ABCG2: variants seen among roughly 807,000 people sequenced by gnomAD.
The protein encoded by ABCG2 is broad substrate specificity ATP-binding cassette transporter ABCG2.
A neutral mutation model predicts 73.5 loss-of-function variants in ABCG2; 80 were observed. The ratio of observed to expected loss-of-function variants is 1.09; its 90% CI spans 0.91 to 1.31. The LOEUF (loss-of-function observed/expected upper bound fraction) is 1.31. Ranked by LOEUF, ABCG2 falls within the 50% of genes most tolerant of loss-of-function variation. The probability of loss-of-function intolerance (pLI) is 0.00; values close to 1 mark genes in which losing one functional copy is unlikely to be tolerated. For synonymous variants in ABCG2, 269 were observed against 282.4 expected (o/e 0.95, Z 0.48); for missense variants, 796 against 786.2 (o/e 1.01, Z -0.15).
At chr4:88,189,796 G>T (rs906424120) in intron 1 of ABCG2, among the ~76,000 whole-genome samples, 7 of 152,188 alleles carry the variant, frequency 4.6e-5, no homozygotes, top group African/African-American at 1.7e-4. Context: ...GGCAAAATCA[G>T]GCACTTGTTA....
intron 1 of ABCG2, among the ~76,000 whole-genome samples, chr4:88,154,862 T>C (rs967416042): frequency 6.6e-6 from 1 of 152,042 alleles, no homozygotes; most frequent in Non-Finnish European, 1.5e-5. Flanking sequence ...GAGTTGAGCA[T>C]AGTTTGTGAT....
At chr4:88,190,374 G>A (rs544495079) in intron 1 of ABCG2, among the ~76,000 whole-genome samples, 5 of 152,220 alleles carry the variant, frequency 3.3e-5, no homozygotes, top group South Asian at 2.1e-4. Flanking sequence ...AATCCAAGCC[G>A]TGGGCCTTCA....
rs2110007069 is a variant in ABCG2 at position 88,113,448 on chromosome 4, T to C, written c.1049A>G (p.His350Arg). The C allele has an allele frequency of 6.2e-7, 1 of 1,614,168 alleles. No homozygotes were observed. The highest frequency in any genetic ancestry group is 8.5e-7 in the Non-Finnish European group (1 of 1,180,034). ...SFYKETKAEL[H>R]QLSGGEKKKK... ...CTTCTTCTCACCCCCGGAAAGTTGA[T>C]GTAATTCAGCTTTTGTCTCTTTGTA... Residue 350 changes from histidine (H) to arginine (R), a missense_variant, in exon 9 of 16, where the codon CAT becomes CGT. Transcript: ENST00000237612.
At chr4:88,165,692 A>G (rs1259092471) in intron 1 of ABCG2, among the ~76,000 whole-genome samples, 1 of 152,156 alleles carries the variant, frequency 6.6e-6, no homozygotes, top group Non-Finnish European at 1.5e-5. Context: ...TGGCCAACAT[A>G]GTGAAACACT....
intron 2 of ABCG2, among the ~76,000 whole-genome samples, chr4:88,134,329 C>T (rs2110045983): frequency 6.6e-6 from 1 of 152,244 alleles, no homozygotes; most frequent in East Asian, 1.9e-4. Context: ...CTGGTGGGTA[C>T]AAGAGTGAAA....
At position 88,101,231 on chromosome 4, in the gene ABCG2, T is replaced by G. The variant is rs762530602; in HGVS notation, c.1366A>C (p.Ile456Leu). ...ELFVVEKKLF[I>L]HEYISGYYRV... ...TTCCCAGAACAAAGACCTACTCACA[T>G]GAAGAGCTTCTTCTCTACCACAAAG... is the stretch of plus-strand genomic sequence containing the variant. Residue 456 changes from isoleucine to leucine, a missense_variant and splice_region_variant, in exon 11 of 16, where the codon ATA becomes CTA. Coordinates refer to ENST00000237612, the MANE Select transcript of ABCG2 (RefSeq NM_004827.3). The G allele has an allele frequency of 6.2e-7, 1 of 1,613,840 alleles. No individual in the cohort carries two copies. Among genetic ancestry groups the G allele is most frequent in the African/African-American group, 1.3e-5 (1 of 74,870 alleles).
chr4:88,141,740 A>G (rs1019322190), intron 1 of ABCG2, among the ~76,000 whole-genome samples: 4 of 152,208 alleles, frequency 2.6e-5, no homozygotes, highest in African/African-American at 9.6e-5. Flanking sequence ...AAGTTTAAAA[A>G]TAATGAAAAA....
At chr4:88,163,764 G>A (rs1727406880), upstream of ABCG2, 6 of 406,046 alleles carry the variant, frequency 1.5e-5, no homozygotes, top group Non-Finnish European at 3.0e-5. Context: ...CTCCAGATGT[G>A]TGTGTTAATA....
At chr4:88,110,107 A>C (rs190658720) in intron 9 of ABCG2, among the ~76,000 whole-genome samples, 3 of 152,244 alleles carry the variant, frequency 2.0e-5, no homozygotes, top group African/African-American at 7.2e-5. Flanking sequence ...GCACCACCAC[A>C]CTTAGCTCAT....
intron 10 of ABCG2, among the ~76,000 whole-genome samples, chr4:88,104,800 A>G (rs1722667589): frequency 6.6e-6 from 1 of 152,216 alleles, no homozygotes; most frequent in African/African-American, 2.4e-5. Context: ...AAACAAACAA[A>G]TTAAAATAAG....
chr4:88,214,751 A>G (rs1729742954), intron 1 of ABCG2, among the ~76,000 whole-genome samples: 1 of 152,020 alleles, frequency 6.6e-6, no homozygotes, highest in South Asian at 2.1e-4. Flanking sequence ...GCTGGACCAG[A>G]GGTACATGCC....
At chr4:88,120,499 C>G (rs1307437370) in intron 6 of ABCG2, among the ~76,000 whole-genome samples, 1 of 152,186 alleles carries the variant, frequency 6.6e-6, no homozygotes, top group Non-Finnish European at 1.5e-5. Flanking sequence ...TCCCAAGGCC[C>G]TGGGAGCCCA....
At chr4:88,109,548 A>AGTGCACAGACCCCATCT (rs1375079009) in intron 9 of ABCG2, among the ~76,000 whole-genome samples, 1 of 152,234 alleles carries the variant, frequency 6.6e-6, no homozygotes, top group East Asian at 1.9e-4. Flanking sequence ...CAAACTAAAC[A>AGTGCACAGACCCCATCT]GTGCACAATG....
chr4:88,144,024 T>C (rs1192925806), intron 1 of ABCG2, among the ~76,000 whole-genome samples: 1 of 152,204 alleles, frequency 6.6e-6, no homozygotes. Flanking sequence ...AGAAGCTTTC[T>C]GGACATGTGT....
intron 10 of ABCG2, among the ~76,000 whole-genome samples, chr4:88,102,387 G>A (rs1465359150): frequency 6.6e-6 from 1 of 152,116 alleles, no homozygotes; most frequent in Admixed American, 6.5e-5. Flanking sequence ...CATGAGGTCA[G>A]GAGTTCAAGA....
At chr4:88,198,328 A>G (rs1729020862) in intron 1 of ABCG2, among the ~76,000 whole-genome samples, 2 of 151,554 alleles carry the variant, frequency 1.3e-5, no homozygotes, top group South Asian at 2.1e-4. Flanking sequence ...GCAAGACTCC[A>G]TCTCCAAAAA....
At chr4:88,167,526 C>T (rs1473638836) in intron 1 of ABCG2, among the ~76,000 whole-genome samples, 1 of 152,026 alleles carries the variant, frequency 6.6e-6, no homozygotes, top group African/African-American at 2.4e-5. Context: ...GCATGCGTCA[C>T]CATGCCCAGC....
intron 7 of ABCG2, among the ~76,000 whole-genome samples, 176 bp from the exon 8 acceptor site, chr4:88,115,234 C>CTCTCTCTCTCTCTGTCTCTCTCTCTG (rs1553933351): frequency 2.2e-5 from 1 of 45,858 alleles, no homozygotes; most frequent in African/African-American, 5.8e-5. Context: ...TATATTCAGT[C>CTCTCTCTCTCTCTGTCTCTCTCTCTG]TCTCTCTCTC....
At chr4:88,156,419 G>A (rs1261768677) in intron 1 of ABCG2, among the ~76,000 whole-genome samples, 2 of 148,792 alleles carry the variant, frequency 1.3e-5, no homozygotes, top group Non-Finnish European at 3.0e-5. Context: ...GCAAGTGTAT[G>A]TCAAAGTGGC....
Sources: gnomAD v4.1 joint callset for allele counts (sites outside exome capture counted in the v4.1 genomes callset) on GRCh38, gnomAD v4.1.1 for gene constraint, MANE v1.5 for transcripts, NCBI Gene and HGNC (gene_info 2026-07-23, HGNC 2026-07-21) for gene names.